ALK: variants seen among roughly 807,000 people sequenced by gnomAD.
ALK encodes the protein ALK tyrosine kinase receptor.
ALK carries 74 observed loss-of-function variants against 163.1 expected under a neutral mutation model. That is an observed-to-expected ratio of 0.45 (90% CI 0.38 to 0.55). The LOEUF is 0.55. Among genes scored for constraint, ALK ranks in the 20% least tolerant of loss-of-function variants. The pLI, the probability that ALK is intolerant of heterozygous loss-of-function variation, is 0.00. For missense variants in ALK, 2,063 were observed against 2,105.3 expected (o/e 0.98, Z 0.39); for synonymous variants, 960 against 843.2 (o/e 1.14, Z -2.40).
chr2:29,620,616 C>T (rs544493161), intron 3 of ALK, among the ~76,000 whole-genome samples: 19 of 152,164 alleles, frequency 1.2e-4, no homozygotes, highest in East Asian at 9.7e-4. Context: ...CATGGCACTA[C>T]GTAAATCAGC....
chr2:29,383,250 T>C (rs774566942), intron 5 of ALK, among the ~76,000 whole-genome samples: 20 of 152,100 alleles, frequency 1.3e-4, no homozygotes, highest in Non-Finnish European at 1.8e-4. Flanking sequence ...TTATACCAGC[T>C]CTTTGAAATT....
At chr2:29,208,429 T>C (rs1225693286) in intron 25 of ALK, among the ~76,000 whole-genome samples, 1 of 152,194 alleles carries the variant, frequency 6.6e-6, no homozygotes, top group East Asian at 1.9e-4. Flanking sequence ...GGAGTCATGC[T>C]GCAGCATTTG....
chr2:29,431,856 A>G (rs1670279991), intron 4 of ALK, among the ~76,000 whole-genome samples: 1 of 152,046 alleles, frequency 6.6e-6, no homozygotes, highest in African/African-American at 2.4e-5. Flanking sequence ...CACTTTGGGG[A>G]CCCAGATACA....
At chr2:29,749,855 T>C (rs1331660303) in intron 1 of ALK, among the ~76,000 whole-genome samples, 2 of 152,246 alleles carry the variant, frequency 1.3e-5, no homozygotes, top group African/African-American at 2.4e-5. Context: ...TGAGTCTTCC[T>C]GTTCCACGGA....
At chr2:29,636,938 C>T (rs1676551535) in intron 3 of ALK, among the ~76,000 whole-genome samples, 1 of 152,108 alleles carries the variant, frequency 6.6e-6, no homozygotes, top group South Asian at 2.1e-4. Flanking sequence ...AATGACAACA[C>T]CAAATACTGA....
chr2:29,687,744 T>C (rs1238528640), intron 3 of ALK, among the ~76,000 whole-genome samples: 1 of 152,160 alleles, frequency 6.6e-6, no homozygotes, highest in Non-Finnish European at 1.5e-5. Flanking sequence ...AAACAATTTC[T>C]ACTACACACA....
chr2:29,326,886 C>A (rs941262538), intron 6 of ALK, among the ~76,000 whole-genome samples: 1 of 152,194 alleles, frequency 6.6e-6, no homozygotes, highest in African/African-American at 2.4e-5. Context: ...GTCTGCATAT[C>A]TGGGAGGTGA....
intron 3 of ALK, among the ~76,000 whole-genome samples, chr2:29,585,770 C>T (rs1674869060): frequency 6.6e-6 from 1 of 151,774 alleles, no homozygotes; most frequent in Non-Finnish European, 1.5e-5. Flanking sequence ...CTTTTAGCAT[C>T]TTCTCAGGGT....
intron 4 of ALK, among the ~76,000 whole-genome samples, chr2:29,520,040 G>C (rs1672771457): frequency 6.6e-6 from 1 of 152,180 alleles, no homozygotes; most frequent in Non-Finnish European, 1.5e-5. Context: ...TTACTAAGTA[G>C]AAGTCCTGAC....
At chr2:29,321,199 G>A (rs1184635695) in intron 6 of ALK, among the ~76,000 whole-genome samples, 1 of 152,178 alleles carries the variant, frequency 6.6e-6, no homozygotes, top group Non-Finnish European at 1.5e-5. Flanking sequence ...ACTTGACCAA[G>A]GTCACACAGC....
At chr2:29,231,712 C>T (rs139733904) in intron 15 of ALK, among the ~76,000 whole-genome samples, 72 of 152,278 alleles carry the variant, frequency 4.7e-4, no homozygotes, top group African/African-American at 1.6e-3. Context: ...AAAGAAAATA[C>T]AAAAAGGAAT....
chr2:29,547,086 C>T (rs1673575798), intron 3 of ALK, among the ~76,000 whole-genome samples: 1 of 152,198 alleles, frequency 6.6e-6, no homozygotes, highest in South Asian at 2.1e-4. Flanking sequence ...ATGCAGGAAG[C>T]TGAGGTATCT....
At chr2:29,509,285 C>T (rs1023889611) in intron 4 of ALK, among the ~76,000 whole-genome samples, 1 of 152,138 alleles carries the variant, frequency 6.6e-6, no homozygotes, top group African/African-American at 2.4e-5. Flanking sequence ...TCAACACATC[C>T]CTGGTTTCCC....
At chr2:29,352,322 C>A (rs989695847) in intron 5 of ALK, among the ~76,000 whole-genome samples, 2 of 152,164 alleles carry the variant, frequency 1.3e-5, no homozygotes, top group African/African-American at 2.4e-5. Flanking sequence ...GGCAGAAATG[C>A]CTTTAAAATC....
At chr2:29,834,768 G>C (rs1302972330) in intron 1 of ALK, among the ~76,000 whole-genome samples, 6 of 152,136 alleles carry the variant, frequency 3.9e-5, no homozygotes, top group Non-Finnish European at 8.8e-5. Context: ...CTTTACTGTG[G>C]TGACCTGAGA....
chr2:29,879,287 G>A (rs999880781), intron 1 of ALK, among the ~76,000 whole-genome samples: 1 of 152,170 alleles, frequency 6.6e-6, no homozygotes, highest in Non-Finnish European at 1.5e-5. Context: ...AGCTTACAAG[G>A]AAATACTCTT....
rs2148168656 is a variant in ALK at position 29,222,380 on chromosome 2, T to C, written c.3479A>G (p.Asp1160Gly). ...KTLPEVCSEQ[D>G]ELDFLMEALI... ...GGCTTCCATGAGGAAATCCAGTTCG[T>C]CCTGTTCAGAGCACACTTCAGGCAG... Residue 1160 changes from aspartate (D) to glycine (G), a missense_variant, in exon 22 of 29, where the codon GAC becomes GGC. Physicochemically the swap from Asp to Gly is moderately conservative, Grantham distance 94. Transcript: ENST00000389048. 6.2e-7 allele frequency: 1 copy of C among 1,613,980 alleles called. No individual in the cohort carries two copies. The highest frequency in any genetic ancestry group is 8.5e-7 in the Non-Finnish European group (1 of 1,179,982).
chr2:29,255,792 G>A (rs935478628), intron 11 of ALK, among the ~76,000 whole-genome samples: 2 of 152,172 alleles, frequency 1.3e-5, no homozygotes, highest in African/African-American at 4.8e-5. Context: ...GTGGGTACCT[G>A]TGACTTTGCA....
chr2:29,798,833 T>TG (rs766632198), intron 1 of ALK, among the ~76,000 whole-genome samples: 120 of 152,098 alleles, frequency 7.9e-4, no homozygotes, highest in Non-Finnish European at 1.5e-3. Context: ...AGAATTTTCC[T>TG]GGGGGAAAAA....
Sources: allele counts gnomAD v4.1 joint callset (sites outside exome capture counted in the v4.1 genomes callset), GRCh38; gene constraint gnomAD v4.1.1; transcripts MANE v1.5; gene names NCBI Gene and HGNC (gene_info 2026-07-23, HGNC 2026-07-21).